SMYD3: variants seen among roughly 807,000 people sequenced by gnomAD.
SMYD3 encodes histone-lysine N-methyltransferase SMYD3.
SMYD3 carries 36 observed loss-of-function variants against 57.7 expected under a neutral mutation model. The ratio of observed to expected loss-of-function variants is 0.62; its 90% CI spans 0.48 to 0.82. The LOEUF is 0.82. Ranked by LOEUF, SMYD3 falls within the 40% of genes least tolerant of loss-of-function variation. The pLI is 0.00. For synonymous variants in SMYD3, 211 were observed against 195.0 expected (o/e 1.08, Z -0.68); for missense variants, 515 against 538.8 (o/e 0.96, Z 0.44).
At chr1:246,219,059 C>T (rs915894253) in intron 5 of SMYD3, among the ~76,000 whole-genome samples, 4 of 152,096 alleles carry the variant, frequency 2.6e-5, no homozygotes, top group Non-Finnish European at 5.9e-5. Flanking sequence ...AACTAAAACT[C>T]CTGATTTTCC....
chr1:245,849,450 C>T (rs12127001), intron 10 of SMYD3, among the ~76,000 whole-genome samples: 6 of 151,724 alleles, frequency 4.0e-5, no homozygotes, highest in Admixed American at 3.3e-4. Flanking sequence ...CAACTTCCAG[C>T]AGAGATGAGT....
At chr1:246,422,181 T>C (rs1220317405) in intron 1 of SMYD3, among the ~76,000 whole-genome samples, 3 of 152,164 alleles carry the variant, frequency 2.0e-5, no homozygotes, top group Non-Finnish European at 4.4e-5. Context: ...GATTTTTGCA[T>C]AGGAAAATGA....
chr1:246,302,339 AAAGG>A (rs765264797), intron 5 of SMYD3, among the ~76,000 whole-genome samples: 9 of 152,132 alleles, frequency 5.9e-5, no homozygotes, highest in Non-Finnish European at 4.4e-5. Flanking sequence ...AGCAATGCTA[AAAGG>A]AAGCATTTTT....
chr1:246,182,132 T>G (rs2062562154), intron 5 of SMYD3, among the ~76,000 whole-genome samples: 1 of 151,928 alleles, frequency 6.6e-6, no homozygotes, highest in South Asian at 2.1e-4. Flanking sequence ...ACCTCACCAC[T>G]GTTGTTCTCA....
At chr1:246,340,250 TAAC>T (rs1158595562) in intron 2 of SMYD3, among the ~76,000 whole-genome samples, 3 of 151,720 alleles carry the variant, frequency 2.0e-5, no homozygotes, top group African/African-American at 7.3e-5. Context: ...TTCAATTACA[TAAC>T]AATAAAGAAT....
intron 8 of SMYD3, among the ~76,000 whole-genome samples, chr1:245,868,273 G>C (rs1044142301): frequency 3.9e-5 from 6 of 152,140 alleles, no homozygotes; most frequent in Admixed American, 3.9e-4. Flanking sequence ...TCAAACCCAG[G>C]TCTGTCTGGC....
At chr1:245,974,385 G>A (rs1021357394) in intron 5 of SMYD3, among the ~76,000 whole-genome samples, 3 of 152,144 alleles carry the variant, frequency 2.0e-5, no homozygotes, top group African/African-American at 7.2e-5. Flanking sequence ...GTCTATCAGA[G>A]TCATGACAAT....
intron 10 of SMYD3, chr1:245,789,085 G>A (rs924134437): frequency 6.6e-6 from 1 of 152,228 alleles, no homozygotes; most frequent in Non-Finnish European, 1.5e-5. Flanking sequence ...CACGGCACCA[G>A]GAGCTTTTGG....
intron 10 of SMYD3, among the ~76,000 whole-genome samples, chr1:245,803,074 C>T (rs1010799331): frequency 2.0e-5 from 3 of 152,226 alleles, no homozygotes; most frequent in African/African-American, 7.2e-5. Context: ...AGCTCTACAG[C>T]TTCTAAAAAT....
chr1:246,236,751 A>G (rs1437374753), intron 5 of SMYD3, among the ~76,000 whole-genome samples: 1 of 152,080 alleles, frequency 6.6e-6, no homozygotes, highest in Non-Finnish European at 1.5e-5. Context: ...GGCTAAAGTG[A>G]TCTACCCACC....
intron 1 of SMYD3, among the ~76,000 whole-genome samples, chr1:246,470,718 C>T (rs2067950735): frequency 6.6e-6 from 1 of 150,478 alleles, no homozygotes; most frequent in Non-Finnish European, 1.5e-5. Context: ...TATACATACA[C>T]ACAAAAAAAA....
intron 8 of SMYD3, among the ~76,000 whole-genome samples, chr1:245,884,569 G>A (rs1345085483): frequency 6.6e-6 from 1 of 152,026 alleles, no homozygotes; most frequent in Non-Finnish European, 1.5e-5. Context: ...CTTTTATTAT[G>A]CAGGTATCTA....
chr1:246,085,114 C>A (rs760135654), intron 5 of SMYD3, among the ~76,000 whole-genome samples: 1 of 152,146 alleles, frequency 6.6e-6, no homozygotes, highest in Non-Finnish European at 1.5e-5. Context: ...TTATCTCCAG[C>A]AAAGAAAGTG....
chr1:246,456,934 C>T (rs1572516565), intron 1 of SMYD3, among the ~76,000 whole-genome samples: 1 of 152,320 alleles, frequency 6.6e-6, no homozygotes, highest in Admixed American at 6.5e-5. Context: ...ATGGACCAGA[C>T]TAATCCAAAT....
chr1:245,793,328 A>G (rs2047382103), intron 10 of SMYD3, among the ~76,000 whole-genome samples: 1 of 151,954 alleles, frequency 6.6e-6, no homozygotes, highest in Admixed American at 6.6e-5. Flanking sequence ...AAAAAGAAAT[A>G]TCTTCCATTT....
At chr1:245,773,806 C>T (rs1334909816) in intron 10 of SMYD3, among the ~76,000 whole-genome samples, 1 of 152,194 alleles carries the variant, frequency 6.6e-6, no homozygotes, top group East Asian at 1.9e-4. Context: ...ACAAAAACTG[C>T]ATTTATTCTG....
intron 5 of SMYD3, among the ~76,000 whole-genome samples, chr1:246,074,524 G>A (rs2060513284): frequency 6.6e-6 from 1 of 152,160 alleles, no homozygotes; most frequent in Admixed American, 6.5e-5. Context: ...GTACTAGAGA[G>A]TGGCCAAAAG....
At chr1:245,753,922 G>A (rs1364325699) in intron 11 of SMYD3, among the ~76,000 whole-genome samples, 1 of 152,120 alleles carries the variant, frequency 6.6e-6, no homozygotes, top group Non-Finnish European at 1.5e-5. Context: ...GGCTGGTGTT[G>A]GGAAAAGCTT....
chr1:246,399,275 C>T (rs565896602), intron 1 of SMYD3, among the ~76,000 whole-genome samples: 8 of 152,218 alleles, frequency 5.3e-5, no homozygotes, highest in Middle Eastern at 3.4e-3. Flanking sequence ...CCACCTGCCT[C>T]GGCCTCCCAA....
Sources: gnomAD v4.1 joint callset for allele counts (sites outside exome capture counted in the v4.1 genomes callset) on GRCh38, gnomAD v4.1.1 for gene constraint, MANE v1.5 for transcripts, NCBI Gene and HGNC (gene_info 2026-07-23, HGNC 2026-07-21) for gene names.